Variants in GRIN3A observed in about 807,000 individuals in gnomAD.
GRIN3A encodes glutamate receptor ionotropic, NMDA 3A.
In GRIN3A, 47 loss-of-function variants were observed where a neutral mutation model predicts 92.4. The observed-to-expected ratio is 0.51, with a 90% CI of 0.40 to 0.65. The LOEUF (loss-of-function observed/expected upper bound fraction) is 0.65. GRIN3A is among the 30% of genes least tolerant of loss of function. The pLI is 0.00. For missense variants in GRIN3A, 1,324 were observed against 1,393.1 expected (o/e 0.95, Z 0.79); for synonymous variants, 527 against 540.6 (o/e 0.97, Z 0.35).
chr9:101,602,650 T>G (rs1222786470), intron 6 of GRIN3A, among the ~76,000 whole-genome samples: 1 of 152,232 alleles, frequency 6.6e-6, no homozygotes, highest in Non-Finnish European at 1.5e-5. Context: ...CAGTATGTGG[T>G]CTTGGGTGTA....
chr9:101,675,608 T>C (rs980410002), intron 2 of GRIN3A, among the ~76,000 whole-genome samples: 20 of 151,594 alleles, frequency 1.3e-4, no homozygotes, highest in African/African-American at 4.8e-4. Flanking sequence ...ACAGAATACA[T>C]ATGATAAATA....
In GRIN3A at chr9:101,628,146, C is replaced by G. The variant is rs73657597; in HGVS notation, c.2498+110G>C. On this transcript the variant is annotated intron_variant, in intron 4 of 8. Coordinates refer to ENST00000361820, the MANE Select transcript of GRIN3A (RefSeq NM_133445.3). Reference sequence around the variant, plus strand: ...CAGTGTAAAGTATTACTTAACACAACGTGGGTATATTCATCTGTCATTTTC... The same window carrying G: ...CAGTGTAAAGTATTACTTAACACAAGGTGGGTATATTCATCTGTCATTTTC... 2,169 of 999,956 alleles carry G rather than the reference C, an allele frequency of 2.2e-3. 34 individuals carry two copies. In the African/African-American group the frequency reaches 0.031, roughly 14 times the overall value. 61.9% of individuals were successfully genotyped at this position (999,956 alleles called of 1,614,324 possible). A position where few individuals can be genotyped will look rare whatever the true frequency, so the allele number is the denominator to read the frequency against.
At chr9:101,621,799 A>T (rs890829221) in intron 5 of GRIN3A, among the ~76,000 whole-genome samples, 6 of 152,214 alleles carry the variant, frequency 3.9e-5, no homozygotes, top group African/African-American at 1.2e-4. Context: ...GGAGCCCCTC[A>T]TTCTTGTGTC....
At chr9:101,675,430 A>G (rs1057468965) in intron 2 of GRIN3A, among the ~76,000 whole-genome samples, 3 of 151,942 alleles carry the variant, frequency 2.0e-5, no homozygotes, top group Non-Finnish European at 4.4e-5. Flanking sequence ...TTGACATCCT[A>G]ATTAAAGTAT....
At chr9:101,693,318 A>G (rs1372032727) in intron 1 of GRIN3A, among the ~76,000 whole-genome samples, 1 of 151,290 alleles carries the variant, frequency 6.6e-6, no homozygotes, top group Non-Finnish European at 1.5e-5. Context: ...TACTCAGGAA[A>G]CTGAGGAACG....
At chr9:101,734,316 G>C (rs1444964728) in intron 1 of GRIN3A, among the ~76,000 whole-genome samples, 2 of 152,192 alleles carry the variant, frequency 1.3e-5, no homozygotes, top group Non-Finnish European at 2.9e-5. Flanking sequence ...TTAGAACAAA[G>C]AAGTAATCAT....
chr9:101,692,724 C>G (rs956846888), intron 1 of GRIN3A, among the ~76,000 whole-genome samples: 6 of 152,320 alleles, frequency 3.9e-5, no homozygotes, highest in African/African-American at 1.4e-4. Flanking sequence ...CGCTTCTCCT[C>G]AGCCAAAGAG....
intron 3 of GRIN3A, among the ~76,000 whole-genome samples, chr9:101,648,656 A>G (rs929500242): frequency 1.3e-5 from 2 of 152,106 alleles, no homozygotes; most frequent in African/African-American, 4.8e-5. Flanking sequence ...GAATACATTT[A>G]TATTCACAAT....
chr9:101,682,492 C>G (rs956309315), intron 2 of GRIN3A, among the ~76,000 whole-genome samples: 9 of 152,226 alleles, frequency 5.9e-5, no homozygotes, highest in South Asian at 2.1e-4. Flanking sequence ...TGTTTTATAA[C>G]CATTTACTTA....
chr9:101,683,139 AC>A (rs1829484111), intron 2 of GRIN3A, among the ~76,000 whole-genome samples: 1 of 152,146 alleles, frequency 6.6e-6, no homozygotes, highest in Non-Finnish European at 1.5e-5. Context: ...AATCTCTAAT[AC>A]CTGTAATTAT....
intron 6 of GRIN3A, chr9:101,594,717 C>T: frequency 6.2e-7 from 1 of 1,613,916 alleles, no homozygotes; most frequent in Non-Finnish European, 8.5e-7. Context: ...AAGTCCACTT[C>T]TCCATCACCG....
intron 6 of GRIN3A, among the ~76,000 whole-genome samples, chr9:101,605,227 A>G (rs1222670265): frequency 1.3e-5 from 2 of 152,252 alleles, no homozygotes; most frequent in Non-Finnish European, 2.9e-5. Context: ...GATTTGTCAA[A>G]GGTCATGGAA....
At chr9:101,713,559 A>G (rs1282303978) in intron 1 of GRIN3A, among the ~76,000 whole-genome samples, 2 of 152,248 alleles carry the variant, frequency 1.3e-5, no homozygotes, top group Non-Finnish European at 2.9e-5. Context: ...TTGGGTTACC[A>G]GAATCACACC....
intron 6 of GRIN3A, among the ~76,000 whole-genome samples, chr9:101,611,647 A>C (rs969442996): frequency 1.3e-5 from 2 of 152,226 alleles, no homozygotes; most frequent in Non-Finnish European, 2.9e-5. Context: ...GCTATATATG[A>C]GACATTGACA....
intron 1 of GRIN3A, among the ~76,000 whole-genome samples, chr9:101,720,687 T>A (rs898953317): frequency 2.0e-5 from 3 of 152,228 alleles, no homozygotes; most frequent in Non-Finnish European, 2.9e-5. Flanking sequence ...ACAACTTGGG[T>A]ATATATCCGT....
rs553256848 is a variant in GRIN3A at position 101,619,192 on chromosome 9, G to C, written c.2614+4126C>G. Among the ~76,000 whole-genome samples the C allele has an allele frequency of 1.5e-4, 23 of 152,270 alleles. No homozygotes were observed. In the East Asian group the frequency reaches 2.7e-3, roughly 18 times the overall value. On this transcript the variant is annotated intron_variant, in intron 5 of 8. Transcript: ENST00000361820. The stretch of plus-strand genomic sequence containing the variant: ...TGTTTTGAAAATAGCATCTCAGATA[G>C]GGTTAAAAAGGCTTCAGGGTGAAAG...
chr9:101,626,333 A>G (rs1313784581), intron 4 of GRIN3A, among the ~76,000 whole-genome samples: 1 of 152,218 alleles, frequency 6.6e-6, no homozygotes. Flanking sequence ...AGAGAGCAGA[A>G]TTAAGTCCAG....
intron 3 of GRIN3A, among the ~76,000 whole-genome samples, chr9:101,653,969 G>T (rs954205106): frequency 6.6e-6 from 1 of 151,786 alleles, no homozygotes; most frequent in African/African-American, 2.4e-5. Flanking sequence ...TGACTTGTGT[G>T]GTTAGGAGCT....
At chr9:101,727,578 T>C (rs1215054074) in intron 1 of GRIN3A, among the ~76,000 whole-genome samples, 3 of 152,128 alleles carry the variant, frequency 2.0e-5, no homozygotes, top group Non-Finnish European at 4.4e-5. Context: ...CTCATTTTTC[T>C]CCCAACCCCA....
Sources: allele counts gnomAD v4.1 joint callset (sites outside exome capture counted in the v4.1 genomes callset), GRCh38; gene constraint gnomAD v4.1.1; transcripts MANE v1.5; gene names NCBI Gene and HGNC (gene_info 2026-07-23, HGNC 2026-07-21).